LRRTM3: variants seen among roughly 807,000 people sequenced by gnomAD.
LRRTM3 encodes the protein leucine rich repeat transmembrane neuronal 3.
In LRRTM3, 24 loss-of-function variants were observed where a neutral mutation model predicts 44.7. That is an observed-to-expected ratio of 0.54 (90% CI 0.39 to 0.76). LRRTM3 has a LOEUF of 0.76. Ranked by LOEUF, LRRTM3 falls within the 30% of genes least tolerant of loss-of-function variation. The probability of loss-of-function intolerance (pLI) is 0.00; values close to 1 mark genes in which losing one functional copy is unlikely to be tolerated. For missense variants in LRRTM3, 587 were observed against 702.2 expected (o/e 0.84, Z 1.85); for synonymous variants, 277 against 278.7 (o/e 0.99, Z 0.06).
intron 2 of LRRTM3, among the ~76,000 whole-genome samples, chr10:67,080,325 G>T (rs1451220227): frequency 6.6e-6 from 1 of 152,138 alleles, no homozygotes; most frequent in African/African-American, 2.4e-5. Context: ...ACCTTTCACA[G>T]AGAATCTGCT....
intron 2 of LRRTM3, among the ~76,000 whole-genome samples, chr10:66,940,033 T>C (rs1198882635): frequency 6.6e-6 from 1 of 152,184 alleles, no homozygotes; most frequent in Non-Finnish European, 1.5e-5. Flanking sequence ...TTTCATTCTT[T>C]TTAAAGAGGA....
intron 2 of LRRTM3, among the ~76,000 whole-genome samples, chr10:67,071,327 T>TC (rs1474004938): frequency 2.9e-4 from 29 of 99,486 alleles, no homozygotes; most frequent in African/African-American, 1.1e-3. Flanking sequence ...TTTTGTATTT[T>TC]GGGTTTTTTT....
Position 66,927,863 on chromosome 10 carries a change from G to A in LRRTM3, c.947G>A (p.Cys316Tyr). The A allele has an allele frequency of 6.2e-7, 1 of 1,614,226 alleles. No individual in the cohort carries two copies. Residue 316 changes from cysteine (C) to tyrosine (Y), a missense_variant, in exon 2 of 3, where the codon TGC (cysteine) becomes TAC (tyrosine). By Grantham distance (194) the Cys-to-Tyr change is radical (BLOSUM62 -2). This residue lies in a region of LRRTM3 where 315 missense variants were observed against 335.6 expected (regional missense o/e 0.94). Transcript: ENST00000361320. This position sits in a 1 kb window ranked among gnomAD's most constrained non-coding sequence, Gnocchi z 4.7. ...AGTCTTGCTGGGAATATATGGGAAT[G>A]CAGCAGAAATATTTGCTCCCTTGTA... is the stretch of plus-strand genomic sequence containing the variant. ...DISLAGNIWE[C>Y]SRNICSLVNW...
intron 2 of LRRTM3, among the ~76,000 whole-genome samples, chr10:67,089,739 G>GTGTGTC (rs1259196832): frequency 6.6e-6 from 1 of 151,594 alleles, no homozygotes; most frequent in African/African-American, 2.4e-5. Context: ...GTGTGTGTGT[G>GTGTGTC]TGTGTGTGTG....
chr10:67,033,258 T>C (rs571988219), intron 2 of LRRTM3, among the ~76,000 whole-genome samples: 12 of 152,304 alleles, frequency 7.9e-5, no homozygotes, highest in South Asian at 4.1e-4. Context: ...CAAAGTGTTA[T>C]GTGAGGGTGC....
chr10:67,073,858 C>A (rs1361868300), intron 2 of LRRTM3, among the ~76,000 whole-genome samples: 1 of 152,124 alleles, frequency 6.6e-6, no homozygotes, highest in Non-Finnish European at 1.5e-5. Flanking sequence ...AATTCATTCT[C>A]ACAATTCAAT....
At chr10:66,966,490 T>C (rs1389541828) in intron 2 of LRRTM3, among the ~76,000 whole-genome samples, 1 of 150,880 alleles carries the variant, frequency 6.6e-6, no homozygotes, top group African/African-American at 2.4e-5. Flanking sequence ...AATATATTTT[T>C]TTTTTCAGGA....
rs78886183 is a variant in LRRTM3 at position 66,994,661 on chromosome 10, C to A, written c.1536+66209C>A. On this transcript the variant is annotated intron_variant, in intron 2 of 2. Transcript: ENST00000361320. ...GTGAAAATTGCTGACAAAATCATGACTTACCACCAAACAGAATTTTCAACA... is the reference window on the plus strand; with the variant it reads ...GTGAAAATTGCTGACAAAATCATGAATTACCACCAAACAGAATTTTCAACA... 4.3e-3 allele frequency among the ~76,000 whole-genome samples: 655 copies of A among 152,244 alleles called. 5 individuals are homozygous for A. Among genetic ancestry groups the A allele is most frequent in the African/African-American group, 0.014 (573 of 41,552 alleles).
At chr10:66,980,398 C>T (rs1441491762) in intron 2 of LRRTM3, among the ~76,000 whole-genome samples, 2 of 152,156 alleles carry the variant, frequency 1.3e-5, no homozygotes, top group African/African-American at 2.4e-5. Context: ...CATCTTCTGG[C>T]TCACACAGAG....
intron 2 of LRRTM3, among the ~76,000 whole-genome samples, chr10:66,951,419 C>T (rs1172100244): frequency 6.6e-6 from 1 of 152,090 alleles, no homozygotes; most frequent in African/African-American, 2.4e-5. Context: ...CCCAGCCCAA[C>T]ACCATATCTT....
At chr10:66,970,570 T>TA (rs1849666375) in intron 2 of LRRTM3, among the ~76,000 whole-genome samples, 2 of 152,024 alleles carry the variant, frequency 1.3e-5, no homozygotes, top group Non-Finnish European at 2.9e-5. Context: ...TAAATTCTAA[T>TA]AATGCCAAGA....
chr10:66,935,632 A>AT (rs1342064184), intron 2 of LRRTM3, among the ~76,000 whole-genome samples: 3 of 151,916 alleles, frequency 2.0e-5, no homozygotes, highest in Admixed American at 6.6e-5. Flanking sequence ...ATGCCTAAAA[A>AT]AATATATATA....
rs200197590 is a variant in LRRTM3 at position 66,937,980 on chromosome 10, T to C, written c.1536+9528T>C. Among the ~76,000 whole-genome samples the C allele has an allele frequency of 5.9e-5, 9 of 152,230 alleles. No individual in the cohort carries two copies. The East Asian group carries it at 1.7e-3, about 29-fold the overall frequency. ...TTGTATCACGATTTGAGGAAATGGA[T>C]AATCTCTTCTTTTCCTTCTTCTTCC... On this transcript the variant is annotated intron_variant, in intron 2 of 2. Transcript: ENST00000361320.
intron 2 of LRRTM3, among the ~76,000 whole-genome samples, chr10:66,967,065 C>G (rs1411021973): frequency 2.6e-5 from 4 of 151,876 alleles, no homozygotes; most frequent in Non-Finnish European, 4.4e-5. Flanking sequence ...GAACCTGGTA[C>G]CACTATAAGC....
chr10:66,977,558 T>C (rs1252312845), intron 2 of LRRTM3, among the ~76,000 whole-genome samples: 1 of 152,218 alleles, frequency 6.6e-6, no homozygotes, highest in Non-Finnish European at 1.5e-5. Flanking sequence ...TTTTCTATGC[T>C]TCACTGTCAC....
intron 2 of LRRTM3, among the ~76,000 whole-genome samples, chr10:67,048,384 T>G (rs1027748565): frequency 2.0e-5 from 3 of 152,050 alleles, no homozygotes; most frequent in Non-Finnish European, 4.4e-5. Context: ...ATTCCTTACA[T>G]GATGATCAAC....
intron 2 of LRRTM3, among the ~76,000 whole-genome samples, chr10:66,976,462 T>C (rs958374315): frequency 4.6e-5 from 7 of 152,168 alleles, no homozygotes; most frequent in Non-Finnish European, 1.0e-4. Context: ...CCTTCATCTC[T>C]TTTTCTATAG....
chr10:67,034,486 C>T (rs1428742714), intron 2 of LRRTM3, among the ~76,000 whole-genome samples: 1 of 152,170 alleles, frequency 6.6e-6, no homozygotes, highest in Non-Finnish European at 1.5e-5. Flanking sequence ...TCTCTAGTGT[C>T]TTAGGCTCTC....
chr10:67,048,707 A>G (rs896524527), intron 2 of LRRTM3, among the ~76,000 whole-genome samples: 2 of 152,104 alleles, frequency 1.3e-5, no homozygotes, highest in African/African-American at 4.8e-5. Flanking sequence ...ATCAAAGTTC[A>G]AAAACAGGTA....
Sources: allele counts gnomAD v4.1 joint callset (sites outside exome capture counted in the v4.1 genomes callset), GRCh38; gene constraint gnomAD v4.1.1; regional missense constraint gnomAD v4.1.1; non-coding constraint Gnocchi (gnomAD v3.1); transcripts MANE v1.5; gene names NCBI Gene and HGNC (gene_info 2026-07-23, HGNC 2026-07-21).